The following SNTG1 variants were observed in gnomAD, a reference collection of about 807,000 sequenced individuals.
SNTG1 encodes the protein syntrophin gamma 1, also known as gamma-1-syntrophin.
A neutral mutation model predicts 74.7 loss-of-function variants in SNTG1; 39 were observed. The ratio of observed to expected loss-of-function variants is 0.52; its 90% CI spans 0.40 to 0.68. SNTG1 has a LOEUF of 0.68. Among genes scored for constraint, SNTG1 ranks in the 30% least tolerant of loss-of-function variants. SNTG1 has a pLI of 0.00. For missense variants in SNTG1, 685 were observed against 609.5 expected (o/e 1.12, Z -1.30); for synonymous variants, 254 against 217.1 (o/e 1.17, Z -1.49).
intron 1 of SNTG1, among the ~76,000 whole-genome samples, chr8:49,995,264 A>T (rs1238743767): frequency 6.6e-6 from 1 of 152,232 alleles, no homozygotes; most frequent in Non-Finnish European, 1.5e-5. Context: ...AGTTGCAGCT[A>T]TATGAATATT....
At chr8:50,548,253 TAAC>T (rs1293564674) in intron 11 of SNTG1, among the ~76,000 whole-genome samples, 1 of 152,052 alleles carries the variant, frequency 6.6e-6, no homozygotes, top group East Asian at 1.9e-4. Flanking sequence ...AAATGAAAAA[TAAC>T]CACGTAATTT....
At chr8:50,675,438 C>T (rs936900300) in intron 15 of SNTG1, among the ~76,000 whole-genome samples, 8 of 151,780 alleles carry the variant, frequency 5.3e-5, no homozygotes, top group African/African-American at 1.9e-4. Flanking sequence ...CTTTTTAAAT[C>T]TTTGTTGGTT....
At chr8:50,437,270 T>C (rs2093314159) in intron 4 of SNTG1, among the ~76,000 whole-genome samples, 1 of 152,186 alleles carries the variant, frequency 6.6e-6, no homozygotes, top group African/African-American at 2.4e-5. Flanking sequence ...CATCAAAAAG[T>C]CTTATTTTCA....
chr8:50,782,578 G>A (rs1440499106), intron 18 of SNTG1, among the ~76,000 whole-genome samples: 1 of 152,074 alleles, frequency 6.6e-6, no homozygotes, highest in African/African-American at 2.4e-5. Context: ...GCACTTCTCT[G>A]TATTGGTTAT....
chr8:50,572,258 T>TTATTTA lies in SNTG1; in HGVS notation c.811-18618_811-18617insTTATAT, dbSNP rs1554577782. Among the ~76,000 whole-genome samples, 167 of 93,102 alleles carry TTATTTA rather than the reference T, an allele frequency of 1.8e-3. 2 individuals carry two copies. In the East Asian group the frequency reaches 0.02, roughly 11 times the overall value. 61.1% of individuals were successfully genotyped at this position (93,102 alleles called of 152,430 possible). On this transcript the variant is annotated intron_variant, in intron 12 of 18. Transcript: ENST00000642720. ...TGTATGTTTGTTTCTATCACCTATT[T>TTATTTA]TATATATATATATATATAGAGAGAG...
intron 12 of SNTG1, among the ~76,000 whole-genome samples, chr8:50,589,319 G>T (rs1158975371): frequency 6.6e-6 from 1 of 151,972 alleles, no homozygotes; most frequent in African/African-American, 2.4e-5. Context: ...AATTCTGATG[G>T]TCTAGTAAAC....
chr8:50,387,816 A>T (rs74376978), intron 2 of SNTG1, among the ~76,000 whole-genome samples: 6,789 of 152,152 alleles, frequency 0.045, 208 homozygotes, highest in Middle Eastern at 0.071. Flanking sequence ...AAAAGAAAAG[A>T]GGGTTGGTGG....
chr8:50,736,652 CTAAAATTGACCACAAGA>C (rs1013615272), intron 17 of SNTG1, among the ~76,000 whole-genome samples: 2 of 152,018 alleles, frequency 1.3e-5, no homozygotes, highest in African/African-American at 4.8e-5. Flanking sequence ...CGCACTTATT[CTAAAATTGACCACAAGA>C]TTGGAAGAAA....
intron 2 of SNTG1, among the ~76,000 whole-genome samples, chr8:50,362,803 G>A (rs1316129845): frequency 6.6e-6 from 1 of 152,026 alleles, no homozygotes; most frequent in Non-Finnish European, 1.5e-5. Flanking sequence ...ACTTTACTCT[G>A]GGTGTTAAAT....
Position 50,135,252 on chromosome 8 carries a change from C to G in SNTG1, c.-102-37309C>G, listed in dbSNP as rs150083625. ...TGAATGAAGTTCGGCTTTGTTTTAT[C>G]CTATGTGAATACTTGAATCGGACTC... On this transcript the variant is annotated intron_variant, in intron 1 of 18. Coordinates refer to ENST00000642720, the MANE Select transcript of SNTG1 (RefSeq NM_018967.5). Among the ~76,000 whole-genome samples, 66 of 152,266 alleles carry G rather than the reference C, an allele frequency of 4.3e-4. 2 individuals are homozygous for G. In the East Asian group the frequency reaches 0.011, roughly 26 times the overall value.
rs34886446 is a variant in SNTG1, at chr8:50,334,505, TAAAAAA to T, written c.-27-59698_-27-59693del. ...ATTTTGTCCTCATTTATATCTCTGCTAAAAAAAAAAAAAAGGAAATAGCAGCCCTCA... is the reference window on the plus strand; with the variant it reads ...ATTTTGTCCTCATTTATATCTCTGCTAAAAAAAAGGAAATAGCAGCCCTCA... On this transcript the variant is annotated intron_variant, in intron 2 of 18. Transcript: ENST00000642720. 7.7e-3 allele frequency among the ~76,000 whole-genome samples: 1,058 copies of T among 137,266 alleles called. 7 individuals carry two copies. Among genetic ancestry groups the T allele is most frequent in the Middle Eastern group, 0.016 (4 of 258 alleles). 90.1% of individuals were successfully genotyped at this position (137,266 alleles called of 152,430 possible). A position where few individuals can be genotyped will look rare whatever the true frequency, so the allele number is the denominator to read the frequency against.
rs571360816 is a variant in SNTG1 at position 50,353,786 on chromosome 8, G to A, written c.-27-40426G>A. On this transcript the variant is annotated intron_variant, in intron 2 of 18. Transcript: ENST00000642720. Reference sequence around the variant, plus strand: ...CACACTCATTATGGTAGCAGGAATGGTGCTTTAAATAAAAATGTGAAAGAG... The same window carrying A: ...CACACTCATTATGGTAGCAGGAATGATGCTTTAAATAAAAATGTGAAAGAG... Among the ~76,000 whole-genome samples the A allele has an allele frequency of 6.6e-5, 10 of 152,324 alleles. No homozygotes were observed. In the East Asian group the frequency reaches 1.9e-3, roughly 29 times the overall value.
At chr8:50,635,556 C>A (rs544967118) in intron 13 of SNTG1, among the ~76,000 whole-genome samples, 22 of 152,192 alleles carry the variant, frequency 1.4e-4, no homozygotes, top group Non-Finnish European at 8.8e-5. Context: ...AAGAGTCTCT[C>A]CCCATGGTCA....
chr8:49,917,329 C>T (rs1806136468), intron 1 of SNTG1, among the ~76,000 whole-genome samples: 1 of 152,194 alleles, frequency 6.6e-6, no homozygotes, highest in African/African-American at 2.4e-5. Context: ...TTTCCTTCCA[C>T]ATCTGTCATG....
intron 1 of SNTG1, among the ~76,000 whole-genome samples, chr8:50,148,673 A>G (rs2081958745): frequency 6.6e-6 from 1 of 152,170 alleles, no homozygotes; most frequent in Non-Finnish European, 1.5e-5. Flanking sequence ...TTCTTGTGAT[A>G]GTTGGCTGAG....
At chr8:50,372,511 A>C (rs1457071868) in intron 2 of SNTG1, among the ~76,000 whole-genome samples, 1 of 151,958 alleles carries the variant, frequency 6.6e-6, no homozygotes, top group Non-Finnish European at 1.5e-5. Context: ...ATCTTTCTTT[A>C]TTTAAAATGG....
At chr8:50,334,700 C>T (rs1175177232) in intron 2 of SNTG1, among the ~76,000 whole-genome samples, 1 of 152,138 alleles carries the variant, frequency 6.6e-6, no homozygotes, top group African/African-American at 2.4e-5. Flanking sequence ...AATTACTCAA[C>T]CTCTTTCAAT....
chr8:50,099,764 T>A (rs1346023507), intron 1 of SNTG1, among the ~76,000 whole-genome samples: 1 of 152,176 alleles, frequency 6.6e-6, no homozygotes, highest in African/African-American at 2.4e-5. Flanking sequence ...CTCATAAATC[T>A]GTTGGTTATT....
intron 15 of SNTG1, among the ~76,000 whole-genome samples, chr8:50,660,410 A>AAAAG (rs1383031261): frequency 7.0e-3 from 25 of 3,576 alleles, no homozygotes; most frequent in African/African-American, 9.5e-3. Flanking sequence ...AGAAAGAAAG[A>AAAAG]AAAGAAAGAA....
Sources: allele counts gnomAD v4.1 joint callset (sites outside exome capture counted in the v4.1 genomes callset), GRCh38; gene constraint gnomAD v4.1.1; transcripts MANE v1.5; gene names NCBI Gene and HGNC (gene_info 2026-07-23, HGNC 2026-07-21).